Variants in HLA-DPA1 observed in about 807,000 individuals in gnomAD.
HLA-DPA1 encodes HLA class II histocompatibility antigen, DP alpha 1 chain.
In HLA-DPA1, 20 loss-of-function variants were observed where a neutral mutation model predicts 21.5. The observed-to-expected ratio is 0.93, with a 90% CI of 0.66 to 1.35. HLA-DPA1 has a LOEUF of 1.35. HLA-DPA1 is among the 40% of genes most tolerant of loss of function. The probability of loss-of-function intolerance (pLI) is 0.00; values close to 1 mark genes in which losing one functional copy is unlikely to be tolerated. For missense variants in HLA-DPA1, 279 were observed against 323.0 expected, an observed-to-expected ratio of 0.86 and a Z score of 1.05; for synonymous variants, 123 against 129.6, an observed-to-expected ratio of 0.95 and a Z score of 0.35.
chr6:33,069,193 A>T, exon 4 of HLA-DPA1: 1 of 1,612,940 alleles, frequency 6.2e-7, no homozygotes, highest in South Asian at 1.1e-5. Flanking sequence ...TTGCACAGCC[A>T]CGTGACGTTG....
intron 1 of HLA-DPA1, among the ~76,000 whole-genome samples, chr6:33,076,980 T>C (rs1189385852): frequency 3.3e-5 from 5 of 152,064 alleles, no homozygotes; most frequent in Non-Finnish European, 5.9e-5. Flanking sequence ...GCAGGTTTGT[T>C]ACATATGTAT....
intron 1 of HLA-DPA1, among the ~76,000 whole-genome samples, chr6:33,074,968 T>G (rs777581661): frequency 4.6e-5 from 7 of 152,238 alleles, no homozygotes; most frequent in Non-Finnish European, 1.0e-4. Context: ...CATTTTAATA[T>G]TGATTTAAAG....
chr6:33,071,439 CT>C lies in HLA-DPA1; in HGVS notation c.101-1554del, dbSNP rs544176675. On this transcript the variant is annotated intron_variant, in intron 2 of 5. Coordinates refer to ENST00000419277, the Ensembl canonical transcript of HLA-DPA1. ...TCTTAATACATGAATGTCCCTTGTA[CT>C]TTTTAAAATGCTTTTTAAAAAACAC... 3.4e-3 allele frequency among the ~76,000 whole-genome samples: 520 copies of C among 152,266 alleles called. 3 individuals carry two copies. Among genetic ancestry groups the C allele is most frequent in the East Asian group, 0.025 (128 of 5,180 alleles).
In HLA-DPA1 at chr6:33,078,336, A is replaced by T. The variant is rs376013099; in HGVS notation, c.-100+2344T>A. On this transcript the variant is annotated intron_variant, in intron 1 of 5. Transcript: ENST00000419277. ...GGAGGGAGAGCTGGAGCCATAGGGG[A>T]GTGGGTAAAGTGGGCAGGGCTGATT... 2.3e-3 allele frequency among the ~76,000 whole-genome samples: 346 copies of T among 152,176 alleles called. 10 individuals carry two copies. In the South Asian group the frequency reaches 0.057, roughly 25 times the overall value.
intron 5 of HLA-DPA1, chr6:33,067,494 T>C (rs956540957): frequency 1.3e-5 from 2 of 152,236 alleles, no homozygotes; most frequent in African/African-American, 4.8e-5. Flanking sequence ...AAGCAGATGC[T>C]AGTGCCATGT....
At position 33,073,315 on chromosome 6, in the gene HLA-DPA1, G is replaced by A. The variant is rs139788861; in HGVS notation, c.100+156C>T. 1,181 of 589,466 alleles carry A rather than the reference G, an allele frequency of 2.0e-3. 13 individuals are homozygous for A. Among genetic ancestry groups the A allele is most frequent in the East Asian group, 0.011 (385 of 36,234 alleles). 36.5% of individuals were successfully genotyped at this position (589,466 alleles called of 1,614,324 possible). A position where few individuals can be genotyped will look rare whatever the true frequency, so the allele number is the denominator to read the frequency against. On this transcript the variant is annotated intron_variant, in intron 2 of 5. Coordinates refer to ENST00000419277, the Ensembl canonical transcript of HLA-DPA1. ...TGCAGGAGTCTCATAAATTCTGGCT[G>A]TTATTGCTGTTATTATTATGAGGGC...
chr6:33,074,373 C>A (rs1762434447), intron 1 of HLA-DPA1, among the ~76,000 whole-genome samples: 1 of 152,126 alleles, frequency 6.6e-6, no homozygotes. Context: ...CCTGTGGTAA[C>A]AATGTGCGCC....
At chr6:33,072,701 C>A (rs58063871) in intron 2 of HLA-DPA1, among the ~76,000 whole-genome samples, 26,542 of 152,100 alleles carry the variant, frequency 0.17, 2,802 homozygotes, top group African/African-American at 0.29. Flanking sequence ...CAGCATCATG[C>A]ACAGGCTTGA....
Position 33,068,778 on chromosome 6 carries a change from C to A in HLA-DPA1, c.655G>T (p.Glu219Ter). Residue 219 changes from glutamate to a stop codon, truncating the protein, a stop_gained, in exon 5 of 6, where the codon GAG becomes TAG. Coordinates refer to ENST00000419277, the Ensembl canonical transcript of HLA-DPA1. LOFTEE classifies it high-confidence loss of function. ...GCACAGAGCACAGTCTCCGTTGTCT[C>A]AGGCATCTGGATTGGCTCTTGGGCC... 6.2e-7 allele frequency: 1 copy of A among 1,613,032 alleles called. No individual in the cohort carries two copies. The highest frequency in any genetic ancestry group is 8.5e-7 in the Non-Finnish European group (1 of 1,180,010).
At chr6:33,070,439 T>C (rs959966500) in intron 2 of HLA-DPA1, among the ~76,000 whole-genome samples, 1 of 152,182 alleles carries the variant, frequency 6.6e-6, no homozygotes, top group Non-Finnish European at 1.5e-5. Flanking sequence ...AAATTGTTTT[T>C]AGAGTCATGG....
chr6:33,071,633 G>T (rs1762285993), intron 2 of HLA-DPA1, among the ~76,000 whole-genome samples: 2 of 152,180 alleles, frequency 1.3e-5, no homozygotes, highest in African/African-American at 4.8e-5. Flanking sequence ...CTGTTCTGCA[G>T]ACGCGTATAA....
chr6:33,079,948 T>A, intron 1 of HLA-DPA1: 1 of 234,082 alleles, frequency 4.3e-6, no homozygotes, highest in East Asian at 1.2e-4. Context: ...CAAAGGACTC[T>A]ACCCCCACAG....
At chr6:33,068,870 G>T in intron 4 of HLA-DPA1, 66 bp from the exon 4 acceptor site, 1 of 1,575,992 alleles carries the variant, frequency 6.3e-7, no homozygotes, top group Non-Finnish European at 8.7e-7. Flanking sequence ...TGGGATGGTT[G>T]TGGGAATTGA....
rs537578968 is a variant in HLA-DPA1, at chr6:33,068,987, A to C, written c.628+32T>G. 4.4e-6 allele frequency: 7 copies of C among 1,606,868 alleles called. No individual in the cohort carries two copies. In the Admixed American group the frequency reaches 8.4e-5, roughly 19 times the overall value. On this transcript the variant is annotated intron_variant, in intron 4 of 5. Transcript: ENST00000419277. Reference sequence around the variant, plus strand: ...CCAGGTCTTTGGAATAGAGGATGCCAGGAGATTATGGAGAGAAAAGCAGTT... The same window carrying C: ...CCAGGTCTTTGGAATAGAGGATGCCCGGAGATTATGGAGAGAAAAGCAGTT...
chr6:33,073,443 A>C (rs1194322205), intron 2 of HLA-DPA1, 28 bp downstream of exon 1: 1 of 1,467,182 alleles, frequency 6.8e-7, no homozygotes, highest in Non-Finnish European at 9.5e-7. Flanking sequence ...ACTCACCCCG[A>C]CGCTCCTGCG....
chr6:33,080,594 G>C lies in HLA-DPA1; in HGVS notation c.-100+86C>G, dbSNP rs17221073. On this transcript the variant is annotated intron_variant, in intron 1 of 5. Transcript: ENST00000419277. This position sits in a 1 kb window ranked among gnomAD's most constrained non-coding sequence, Gnocchi z 4.3. Reference sequence around the variant, plus strand: ...TGGGTGGGAAGATTTGGGAAGAATCGTTAATATTGAGAGAGAGAGGGAGAA... The same window carrying C: ...TGGGTGGGAAGATTTGGGAAGAATCCTTAATATTGAGAGAGAGAGGGAGAA... 0.017 allele frequency: 26,959 copies of C among 1,592,292 alleles called. 494 individuals carry two copies. The highest frequency in any genetic ancestry group is 0.079 in the African/African-American group (5,860 of 74,296).
chr6:33,079,992 A>G (rs548091661), intron 1 of HLA-DPA1: 1 of 223,326 alleles, frequency 4.5e-6, no homozygotes, highest in African/African-American at 2.3e-5. Flanking sequence ...TCATTGTGTA[A>G]AATACTTTCC....
At position 33,077,597 on chromosome 6, in the gene HLA-DPA1, T is replaced by A. The variant is rs146936740; in HGVS notation, c.-100+3083A>T. ...TGTGGAGAAATAGGAACACTTTTAC[T>A]CTGTTGGTGGGACTGTAAACTAGTT... On this transcript the variant is annotated intron_variant, in intron 1 of 5. Transcript: ENST00000419277. Among the ~76,000 whole-genome samples, 216 of 152,286 alleles carry A rather than the reference T, an allele frequency of 1.4e-3. 2 individuals carry two copies. In the East Asian group the frequency reaches 0.026, roughly 18 times the overall value.
intron 2 of HLA-DPA1, among the ~76,000 whole-genome samples, chr6:33,070,348 A>G (rs1277690642): frequency 6.6e-6 from 1 of 152,246 alleles, no homozygotes; most frequent in East Asian, 1.9e-4. Flanking sequence ...ATAACTTGCT[A>G]AGGTCATACG....
Sources: gnomAD v4.1 joint callset for allele counts (sites outside exome capture counted in the v4.1 genomes callset) on GRCh38, gnomAD v4.1.1 for gene constraint, Gnocchi (gnomAD v3.1) non-coding constraint, MANE v1.5 for transcripts, NCBI Gene and HGNC (gene_info 2026-07-23, HGNC 2026-07-21) for gene names.